Variants in KLF12 observed in about 807,000 individuals in gnomAD.
KLF12 encodes Krueppel-like factor 12.
KLF12 carries 9 observed loss-of-function variants against 37.8 expected under a neutral mutation model. The ratio of observed to expected loss-of-function variants is 0.24; its 90% confidence interval spans 0.14 to 0.42. The LOEUF (loss-of-function observed/expected upper bound fraction) is 0.42. KLF12 is among the 10% of genes least tolerant of loss of function. The pLI is 1.00. For missense variants in KLF12, 411 were observed against 516.0 expected (o/e 0.80, Z 1.97); for synonymous variants, 208 against 202.1 (o/e 1.03, Z -0.25).
chr13:73,830,648 C>T (rs945414807), intron 4 of KLF12, among the ~76,000 whole-genome samples: 1 of 151,932 alleles, frequency 6.6e-6, no homozygotes, highest in Non-Finnish European at 1.5e-5. Flanking sequence ...AAATGTTGGC[C>T]GTGTCTTTAT....
chr13:74,180,315 A>C, the KLF12 span, among the ~76,000 whole-genome samples: 1 of 152,220 alleles, frequency 6.6e-6, no homozygotes, highest in Non-Finnish European at 1.5e-5. Flanking sequence ...ATCAATTGAA[A>C]TACTTGCCAT....
At chr13:74,007,132 A>G (rs1268868267) in intron 1 of KLF12, among the ~76,000 whole-genome samples, 7 of 152,124 alleles carry the variant, frequency 4.6e-5, no homozygotes, top group Admixed American at 4.6e-4. Flanking sequence ...AAATCAACAC[A>G]GCCAACTATT....
intron 1 of KLF12, among the ~76,000 whole-genome samples, chr13:74,072,894 C>T (rs61957999): frequency 0.13 from 19,380 of 152,066 alleles, 1,470 homozygotes; most frequent in Non-Finnish European, 0.18. Context: ...TTGCTGTGTC[C>T]CCACCCAAAT....
At chr13:74,299,997 C>T in the KLF12 span, among the ~76,000 whole-genome samples, 2 of 151,748 alleles carry the variant, frequency 1.3e-5, no homozygotes, top group South Asian at 2.1e-4. Context: ...CAGCCTGGGA[C>T]GTAGAAAGCA....
At chr13:74,077,308 G>A (rs1483048022) in intron 1 of KLF12, among the ~76,000 whole-genome samples, 1 of 152,040 alleles carries the variant, frequency 6.6e-6, no homozygotes, top group Non-Finnish European at 1.5e-5. Flanking sequence ...TGGACTATGA[G>A]TACTCCACAA....
the KLF12 span, among the ~76,000 whole-genome samples, chr13:74,221,970 C>G: frequency 6.6e-6 from 1 of 152,198 alleles, no homozygotes; most frequent in Non-Finnish European, 1.5e-5. Flanking sequence ...GCTCAATGAA[C>G]TCTGCTGGCT....
chr13:74,133,356 A>C (rs557997493), intron 1 of KLF12, among the ~76,000 whole-genome samples: 14 of 135,648 alleles, frequency 1.0e-4, no homozygotes, highest in Non-Finnish European at 1.9e-4. Context: ...GTTTTATTTC[A>C]CATCCTTGGC....
the KLF12 span, among the ~76,000 whole-genome samples, chr13:74,184,889 A>G: frequency 6.6e-6 from 1 of 152,250 alleles, no homozygotes; most frequent in African/African-American, 2.4e-5. Context: ...CATTTGTCTA[A>G]AAGTATAATT....
Position 73,845,853 on chromosome 13 carries a change from A to G in KLF12, c.644T>C (p.Leu215Ser). ...TTTGCCATGGCCTCTCCCATCCTCCAAAAGCGGCACGACAATAGTGTTGTT... is the reference window on the plus strand; with the variant it reads ...TTTGCCATGGCCTCTCCCATCCTCCGAAAGCGGCACGACAATAGTGTTGTT... The change falls in exon 4 of 8, where the codon TTG (leucine) becomes TCG (serine). Residue 215 changes from leucine to serine, a missense_variant. This residue lies in a region of KLF12 where 351 missense variants were observed against 397.8 expected (regional missense o/e 0.88). Transcript: ENST00000377669. 1 of 1,613,944 alleles carries G rather than the reference A, an allele frequency of 6.2e-7. No homozygotes were observed. Among genetic ancestry groups the G allele is most frequent in the South Asian group, 1.1e-5 (1 of 91,056 alleles).
At position 73,837,756 on chromosome 13, in the gene KLF12, T is replaced by C. The variant is rs965399273; in HGVS notation, c.670+8071A>G. On this transcript the variant is annotated intron_variant, in intron 4 of 7. Transcript: ENST00000377669. Reference sequence around the variant, plus strand: ...AAAGACCATAAGTAACTTGCTAGTTTGTCGATAAAAATCAAATTCTAAATT... The same window carrying C: ...AAAGACCATAAGTAACTTGCTAGTTCGTCGATAAAAATCAAATTCTAAATT... Among the ~76,000 whole-genome samples the C allele has an allele frequency of 4.6e-5, 7 of 152,210 alleles. No homozygotes were observed. The East Asian group carries it at 9.6e-4, about 21-fold the overall frequency.
chr13:74,249,307 T>C, the KLF12 span, among the ~76,000 whole-genome samples: 2 of 149,692 alleles, frequency 1.3e-5, no homozygotes, highest in African/African-American at 4.9e-5. Flanking sequence ...GCATTTCTAC[T>C]GCACAGTAAA....
chr13:73,935,513 G>A (rs1889889736), intron 3 of KLF12, among the ~76,000 whole-genome samples: 1 of 152,108 alleles, frequency 6.6e-6, no homozygotes, highest in Admixed American at 6.6e-5. Flanking sequence ...TAATGGCTTG[G>A]TGTTGTCTTC....
At chr13:73,933,875 T>C (rs918502570) in intron 3 of KLF12, among the ~76,000 whole-genome samples, 2 of 152,124 alleles carry the variant, frequency 1.3e-5, no homozygotes, top group Admixed American at 6.5e-5. Context: ...AAATTTACCC[T>C]CTTAACCATT....
chr13:74,196,779 T>C, the KLF12 span, among the ~76,000 whole-genome samples: 1 of 152,180 alleles, frequency 6.6e-6, no homozygotes, highest in African/African-American at 2.4e-5. Flanking sequence ...GAATGTGCCC[T>C]CTCTTTTCTT....
chr13:73,961,293 A>T (rs1315466606), intron 2 of KLF12, among the ~76,000 whole-genome samples: 4 of 152,142 alleles, frequency 2.6e-5, no homozygotes, highest in East Asian at 1.9e-4. Context: ...GTATTTTCTT[A>T]AAAAAATCTT....
At position 73,690,024 on chromosome 13, in the gene KLF12, T is replaced by C. The variant is rs879014125; in HGVS notation, c.*5466A>G. On this transcript the variant is annotated 3_prime_UTR_variant, in exon 8 of 8. Coordinates refer to ENST00000377669, the MANE Select transcript of KLF12 (RefSeq NM_007249.5). Reference sequence around the variant, plus strand: ...AAGTTAGAAAGATCAAATTAAGAAATGTTAATGTAAACAAGATTAGGTATA... The same window carrying C: ...AAGTTAGAAAGATCAAATTAAGAAACGTTAATGTAAACAAGATTAGGTATA... 3 of 152,472 alleles carry C rather than the reference T, an allele frequency of 2.0e-5. No homozygotes were observed. Among genetic ancestry groups the C allele is most frequent in the African/African-American group, 2.4e-5 (1 of 41,440 alleles). The allele number at this position is 152,472 out of a possible 1,614,324, so 9.4% of individuals were successfully genotyped here. A position where few individuals can be genotyped will look rare whatever the true frequency, so the allele number is the denominator to read the frequency against.
chr13:74,211,462 G>A, the KLF12 span, among the ~76,000 whole-genome samples: 32 of 152,228 alleles, frequency 2.1e-4, no homozygotes, highest in African/African-American at 7.0e-4. Context: ...CTAAGTGGAC[G>A]AACCACATGA....
chr13:74,113,109 G>A (rs1388523550), intron 1 of KLF12, among the ~76,000 whole-genome samples: 1 of 152,152 alleles, frequency 6.6e-6, no homozygotes, highest in Non-Finnish European at 1.5e-5. Context: ...AGGGAGGTGA[G>A]AAAGTTGCGT....
chr13:73,862,494 A>G (rs1265228414), intron 3 of KLF12, among the ~76,000 whole-genome samples: 3 of 152,170 alleles, frequency 2.0e-5, no homozygotes, highest in Admixed American at 1.3e-4. Flanking sequence ...ACTAACTCCC[A>G]CATCTGAATC....
Sources: gnomAD v4.1 joint callset for allele counts (sites outside exome capture counted in the v4.1 genomes callset) on GRCh38, gnomAD v4.1.1 for gene constraint, gnomAD v4.1.1 regional missense constraint, MANE v1.5 for transcripts, NCBI Gene and HGNC (gene_info 2026-07-23, HGNC 2026-07-21) for gene names.